Variants in CDH13 observed in about 807,000 individuals in gnomAD.
CDH13 encodes cadherin 13.
Under a neutral mutation model 63.8 loss-of-function variants are expected in CDH13, and 24 were observed. The observed-to-expected ratio is 0.38, with a 90% CI of 0.27 to 0.53. The LOEUF is 0.53. CDH13 is among the 20% of genes least tolerant of loss of function. The probability of loss-of-function intolerance (pLI) is 0.85; values close to 1 mark genes in which losing one functional copy is unlikely to be tolerated. For missense variants in CDH13, 1,049 were observed against 903.1 expected (o/e 1.16, Z -2.07); for synonymous variants, 503 against 355.3 (o/e 1.42, Z -4.67).
chr16:83,415,054 T>C (rs911625004), intron 6 of CDH13, among the ~76,000 whole-genome samples: 1 of 150,658 alleles, frequency 6.6e-6, no homozygotes, highest in Non-Finnish European at 1.5e-5. Flanking sequence ...AAGATTCAAA[T>C]AAATAAAATT....
At chr16:83,558,064 C>T (rs1269762766) in intron 7 of CDH13, among the ~76,000 whole-genome samples, 1 of 152,154 alleles carries the variant, frequency 6.6e-6, no homozygotes, top group Non-Finnish European at 1.5e-5. Flanking sequence ...CAGCAATGCT[C>T]ACACAGTCTA....
chr16:83,223,511 G>A (rs1412909581), intron 5 of CDH13, among the ~76,000 whole-genome samples: 7 of 152,150 alleles, frequency 4.6e-5, no homozygotes, highest in Admixed American at 1.3e-4. Flanking sequence ...AGTCAAGGTC[G>A]CTGCTGGCTC....
chr16:83,780,056 T>C lies in CDH13; in HGVS notation c.1770T>C (p.Ala590=). Residue 590 remains alanine (A), a synonymous_variant, in exon 12 of 14, where the codon GCT becomes GCC. Transcript: ENST00000567109. ...DNAPFIYPTV[A]EVCDDAKNLS... ...CCCCGTTCATTTACCCCACAGTAGC[T>C]GAAGTCTGTGATGATGCCAAAAACC... 1 of 1,613,970 alleles carries C rather than the reference T, an allele frequency of 6.2e-7. No homozygotes were observed. The highest frequency in any genetic ancestry group is 1.1e-5 in the South Asian group (1 of 91,080).
chr16:82,864,935 C>T (rs1409995262), intron 2 of CDH13, among the ~76,000 whole-genome samples: 1 of 152,172 alleles, frequency 6.6e-6, no homozygotes, highest in Admixed American at 6.5e-5. Flanking sequence ...TGGGTAAATA[C>T]ACTCACTCCA....
chr16:82,672,999 C>CTTTTTCTTTTTTT (rs1555531928), intron 1 of CDH13, among the ~76,000 whole-genome samples: 4 of 81,268 alleles, frequency 4.9e-5, no homozygotes, highest in African/African-American at 1.6e-4. Flanking sequence ...ATAAAGTTTT[C>CTTTTTCTTTTTTT]TTTTTTTTTT....
At chr16:83,711,104 C>G (rs1276648969) in intron 10 of CDH13, among the ~76,000 whole-genome samples, 1 of 152,180 alleles carries the variant, frequency 6.6e-6, no homozygotes. Flanking sequence ...GGACAGTAGC[C>G]TGCGTGGACA....
At chr16:82,945,573 A>T (rs1168839189) in intron 2 of CDH13, among the ~76,000 whole-genome samples, 1 of 152,064 alleles carries the variant, frequency 6.6e-6, no homozygotes, top group Non-Finnish European at 1.5e-5. Flanking sequence ...CATATCAAGG[A>T]TTTTGTGTTT....
At chr16:83,308,950 G>A (rs1397238430) in intron 5 of CDH13, among the ~76,000 whole-genome samples, 1 of 152,204 alleles carries the variant, frequency 6.6e-6, no homozygotes, top group Non-Finnish European at 1.5e-5. Flanking sequence ...CAGATGAAGG[G>A]AAAGAGGGCA....
chr16:83,401,172 C>A (rs1414068003), intron 6 of CDH13, among the ~76,000 whole-genome samples: 1 of 151,958 alleles, frequency 6.6e-6, no homozygotes, highest in African/African-American at 2.4e-5. Context: ...CAAAGCCCGT[C>A]TCTACCAAAA....
At position 82,801,719 on chromosome 16, in the gene CDH13, A is replaced by G. The variant is rs534804429; in HGVS notation, c.46-56643A>G. On this transcript the variant is annotated intron_variant, in intron 1 of 13. Coordinates refer to ENST00000567109, the MANE Select transcript of CDH13 (RefSeq NM_001257.5). ...CTACCCGTACATGACATACAAAATT[A>G]TTCCATGTTACTTCAATACTTTTAC... Among the ~76,000 whole-genome samples the G allele has an allele frequency of 3.9e-5, 6 of 152,338 alleles. No individual in the cohort carries two copies. The South Asian group carries it at 8.3e-4, about 21-fold the overall frequency.
intron 5 of CDH13, among the ~76,000 whole-genome samples, chr16:83,249,005 G>A (rs1250318143): frequency 6.6e-6 from 1 of 152,148 alleles, no homozygotes; most frequent in East Asian, 1.9e-4. Context: ...CTTTCACTCT[G>A]TTTCTTATAC....
intron 1 of CDH13, chr16:82,719,416 T>A (rs2032613342): frequency 2.2e-6 from 1 of 455,886 alleles, no homozygotes; most frequent in African/African-American, 2.0e-5. Flanking sequence ...GGCTGTCCAA[T>A]GGCTTGGAGT....
chr16:83,263,002 T>C (rs546828176), intron 5 of CDH13, among the ~76,000 whole-genome samples: 1 of 152,342 alleles, frequency 6.6e-6, no homozygotes, highest in African/African-American at 2.4e-5. Flanking sequence ...TGGGATATAT[T>C]CTTTGAAACT....
intron 4 of CDH13, among the ~76,000 whole-genome samples, chr16:83,139,910 G>A (rs1437174431): frequency 1.3e-5 from 2 of 152,094 alleles, no homozygotes; most frequent in Non-Finnish European, 2.9e-5. Flanking sequence ...GCTGAGGCAG[G>A]AGAATTGCTT....
intron 2 of CDH13, among the ~76,000 whole-genome samples, chr16:83,027,615 A>C (rs552629192): frequency 1.3e-5 from 2 of 152,326 alleles, no homozygotes; most frequent in East Asian, 3.9e-4. Flanking sequence ...ATGAAGATCC[A>C]TAATTATATG....
At chr16:83,255,852 G>A (rs1906194326) in intron 5 of CDH13, among the ~76,000 whole-genome samples, 1 of 152,068 alleles carries the variant, frequency 6.6e-6, no homozygotes, top group African/African-American at 2.4e-5. Flanking sequence ...TTCCTAAGGT[G>A]GTTCTGAAGA....
chr16:83,050,004 C>T (rs554895446), intron 3 of CDH13, among the ~76,000 whole-genome samples: 14 of 152,202 alleles, frequency 9.2e-5, no homozygotes, highest in African/African-American at 3.4e-4. Context: ...GCTACAAAAA[C>T]GTTGTATACT....
intron 1 of CDH13, among the ~76,000 whole-genome samples, chr16:82,712,087 C>T (rs973427882): frequency 3.3e-5 from 5 of 152,078 alleles, no homozygotes; most frequent in Admixed American, 3.3e-4. Context: ...TTATTTCGTC[C>T]AAACTTACCA....
intron 2 of CDH13, among the ~76,000 whole-genome samples, chr16:82,881,696 G>C (rs2040708480): frequency 6.6e-6 from 1 of 152,146 alleles, no homozygotes; most frequent in Non-Finnish European, 1.5e-5. Flanking sequence ...TGGTATCCAT[G>C]GAGACAGCTT....
Sources: gnomAD v4.1 joint callset for allele counts (sites outside exome capture counted in the v4.1 genomes callset) on GRCh38, gnomAD v4.1.1 for gene constraint, MANE v1.5 for transcripts, NCBI Gene and HGNC (gene_info 2026-07-23, HGNC 2026-07-21) for gene names.